Variants in KYNU observed in about 807,000 individuals in gnomAD.
KYNU encodes the protein kynureninase, also known as L-kynurenine hydrolase.
In KYNU, 54 loss-of-function variants were observed where a neutral mutation model predicts 59.2. The observed-to-expected ratio is 0.91, with a 90% CI of 0.73 to 1.14. The LOEUF is 1.14. Among genes scored for constraint, KYNU ranks in the 50% most tolerant of loss-of-function variants. The pLI, the probability that KYNU is intolerant of heterozygous loss-of-function variation, is 0.00. For synonymous variants in KYNU, 177 were observed against 192.0 expected, an observed-to-expected ratio of 0.92 and a Z score of 0.65; for missense variants, 567 against 554.4, an observed-to-expected ratio of 1.02 and a Z score of -0.23.
rs967131683 is a variant in KYNU at position 143,044,761 on chromosome 2, T to C, written c.*2589T>C. On this transcript the variant is annotated 3_prime_UTR_variant, in exon 14 of 14. Coordinates refer to ENST00000264170, the MANE Select transcript of KYNU (RefSeq NM_003937.3). ...GTCAGATGGATAGATTGCAAAAATTTTCTCCCGTTCTGTAGGTTGCCCGAT... is the reference window on the plus strand; with the variant it reads ...GTCAGATGGATAGATTGCAAAAATTCTCTCCCGTTCTGTAGGTTGCCCGAT... 6.6e-6 allele frequency: 1 copy of C among 152,202 alleles called. No homozygotes were observed. Among genetic ancestry groups the C allele is most frequent in the Non-Finnish European group, 1.5e-5 (1 of 68,038 alleles). The allele number at this position is 152,202 out of a possible 1,614,324, so 9.4% of individuals were successfully genotyped here. A position where few individuals can be genotyped will look rare whatever the true frequency, so the allele number is the denominator to read the frequency against.
chr2:142,938,798 G>A (rs1683479884), intron 4 of KYNU, among the ~76,000 whole-genome samples: 1 of 151,842 alleles, frequency 6.6e-6, no homozygotes, highest in Non-Finnish European at 1.5e-5. Context: ...ATGACCATAT[G>A]AATATGTTAA....
chr2:142,969,414 T>C (rs1469090124), intron 8 of KYNU, among the ~76,000 whole-genome samples: 2 of 152,170 alleles, frequency 1.3e-5, no homozygotes, highest in Admixed American at 6.6e-5. Context: ...TTGGAAATAG[T>C]GGAAGATTGT....
chr2:142,953,223 C>T (rs955197538), intron 4 of KYNU, among the ~76,000 whole-genome samples: 1 of 152,160 alleles, frequency 6.6e-6, no homozygotes, highest in Non-Finnish European at 1.5e-5. Flanking sequence ...TGAATCCCCC[C>T]GTACCATTAC....
intron 1 of KYNU, among the ~76,000 whole-genome samples, chr2:142,881,848 T>A (rs115615203): frequency 3.9e-4 from 59 of 151,102 alleles, no homozygotes; most frequent in African/African-American, 1.4e-3. Context: ...TCCTACCCCA[T>A]CCTCCTCGGT....
chr2:142,904,376 T>G (rs1278807839), intron 2 of KYNU, among the ~76,000 whole-genome samples: 1 of 152,224 alleles, frequency 6.6e-6, no homozygotes, highest in Non-Finnish European at 1.5e-5. Context: ...GGGAACTGCC[T>G]GCTGGCCTGT....
intron 3 of KYNU, among the ~76,000 whole-genome samples, chr2:142,925,466 T>A (rs1683019116): frequency 6.6e-6 from 1 of 152,200 alleles, no homozygotes; most frequent in African/African-American, 2.4e-5. Context: ...TAGATTTACA[T>A]TAGGAAAGAA....
At chr2:142,897,589 C>G (rs1681922692) in intron 2 of KYNU, among the ~76,000 whole-genome samples, 1 of 152,166 alleles carries the variant, frequency 6.6e-6, no homozygotes, top group Non-Finnish European at 1.5e-5. Flanking sequence ...AATCTTTATG[C>G]TTTCTATTAC....
At chr2:142,935,422 G>A (rs1201435744) in intron 4 of KYNU, among the ~76,000 whole-genome samples, 1 of 152,170 alleles carries the variant, frequency 6.6e-6, no homozygotes, top group African/African-American at 2.4e-5. Flanking sequence ...TCCTGATTGG[G>A]AACTGCCTCT....
intron 4 of KYNU, chr2:142,946,993 A>T (rs574120460): frequency 6.7e-7 from 1 of 1,492,340 alleles, no homozygotes; most frequent in South Asian, 1.3e-5. Flanking sequence ...CCAACTTGAG[A>T]CAAGTTTATT....
At chr2:142,899,078 G>C (rs1681981584) in intron 2 of KYNU, among the ~76,000 whole-genome samples, 1 of 152,170 alleles carries the variant, frequency 6.6e-6, no homozygotes, top group African/African-American at 2.4e-5. Flanking sequence ...GGAGTCAATG[G>C]CAGGTCTGTA....
chr2:142,918,820 A>C, intron 3 of KYNU, 91 bp downstream of exon 3: 1 of 1,388,060 alleles, frequency 7.2e-7, no homozygotes, highest in Non-Finnish European at 1.0e-6. Flanking sequence ...AAGATGTGTA[A>C]TAGAATCCTA....
At chr2:142,901,512 C>T (rs1008851580) in intron 2 of KYNU, among the ~76,000 whole-genome samples, 17 of 152,078 alleles carry the variant, frequency 1.1e-4, no homozygotes, top group Non-Finnish European at 1.6e-4. Flanking sequence ...TCTGATGACC[C>T]CGGCAGTGTA....
chr2:142,947,197 A>C, intron 4 of KYNU: 2 of 1,550,834 alleles, frequency 1.3e-6, no homozygotes, highest in Non-Finnish European at 8.7e-7. Context: ...GACACCTCTG[A>C]GGTTCCCAAG....
At chr2:142,934,764 G>A (rs538751972) in intron 4 of KYNU, among the ~76,000 whole-genome samples, 13 of 152,350 alleles carry the variant, frequency 8.5e-5, no homozygotes, top group Admixed American at 2.0e-4. Flanking sequence ...TGGCAAGGCC[G>A]ATGAGATCCT....
intron 2 of KYNU, among the ~76,000 whole-genome samples, chr2:142,906,727 C>T (rs1373309772): frequency 6.6e-6 from 1 of 152,070 alleles, no homozygotes; most frequent in African/African-American, 2.4e-5. Flanking sequence ...ATGGTTAGGA[C>T]CCAAGAGGTA....
chr2:143,031,573 A>T (rs1478957639), intron 11 of KYNU, among the ~76,000 whole-genome samples: 2 of 152,148 alleles, frequency 1.3e-5, no homozygotes, highest in Non-Finnish European at 2.9e-5. Flanking sequence ...AAACTACAGA[A>T]ATTAGCCAGG....
intron 2 of KYNU, among the ~76,000 whole-genome samples, chr2:142,912,693 T>G (rs1247180130): frequency 6.7e-6 from 1 of 149,332 alleles, no homozygotes; most frequent in Non-Finnish European, 1.5e-5. Context: ...TCTTTTGTAT[T>G]TCTTTCTTCC....
intron 8 of KYNU, among the ~76,000 whole-genome samples, chr2:142,966,232 G>A (rs1180542695): frequency 2.6e-5 from 4 of 152,146 alleles, no homozygotes; most frequent in African/African-American, 4.8e-5. Flanking sequence ...AGTCACAAAT[G>A]TCTTCACAGT....
intron 11 of KYNU, among the ~76,000 whole-genome samples, chr2:143,030,235 T>G (rs1686701394): frequency 1.3e-5 from 2 of 152,204 alleles, no homozygotes; most frequent in Admixed American, 1.3e-4. Flanking sequence ...TTTTTTCCTA[T>G]TTTCCTTTTG....
Sources: allele counts gnomAD v4.1 joint callset (sites outside exome capture counted in the v4.1 genomes callset), GRCh38; gene constraint gnomAD v4.1.1; transcripts MANE v1.5; gene names NCBI Gene and HGNC (gene_info 2026-07-23, HGNC 2026-07-21).